The following SLC2A13 variants were observed in gnomAD, a reference collection of about 807,000 sequenced individuals.
SLC2A13 encodes solute carrier family 2 member 13.
In SLC2A13, 32 loss-of-function variants were observed where a neutral mutation model predicts 64.4. The observed-to-expected ratio is 0.50, with a 90% CI of 0.37 to 0.67. The LOEUF (loss-of-function observed/expected upper bound fraction) is 0.67. Among genes scored for constraint, SLC2A13 ranks in the 30% least tolerant of loss-of-function variants. The pLI is 0.00. For synonymous variants in SLC2A13, 338 were observed against 327.1 expected, an observed-to-expected ratio of 1.03 and a Z score of -0.36; for missense variants, 743 against 829.2, an observed-to-expected ratio of 0.90 and a Z score of 1.28.
chr12:39,850,991 C>A (rs986523295), intron 6 of SLC2A13, among the ~76,000 whole-genome samples: 1 of 151,948 alleles, frequency 6.6e-6, no homozygotes, highest in African/African-American at 2.4e-5. Context: ...CCTCTACCTC[C>A]TGGGTTCAAG....
rs201021710 is a variant in SLC2A13, at chr12:39,994,228, C to CA, written c.925+34072dup. ...TGAAACCCCATCTCTACTAAAAACA[C>CA]AAAAAATTAGCCAGGCGTGGTGGCA... On this transcript the variant is annotated intron_variant, in intron 3 of 9. Coordinates refer to ENST00000280871, the MANE Select transcript of SLC2A13 (RefSeq NM_052885.4). 7.5e-3 allele frequency among the ~76,000 whole-genome samples: 1,145 copies of CA among 151,736 alleles called. 14 individuals are homozygous for CA. The highest frequency in any genetic ancestry group is 0.026 in the African/African-American group (1,083 of 41,398).
chr12:40,097,775 T>A (rs1167834682), intron 1 of SLC2A13, among the ~76,000 whole-genome samples: 2 of 152,146 alleles, frequency 1.3e-5, no homozygotes, highest in Non-Finnish European at 2.9e-5. Flanking sequence ...ATACTGCTGG[T>A]AGCAATGTAA....
intron 2 of SLC2A13, among the ~76,000 whole-genome samples, chr12:40,036,394 A>C (rs1270436757): frequency 6.6e-6 from 1 of 152,230 alleles, no homozygotes; most frequent in Non-Finnish European, 1.5e-5. Flanking sequence ...GAAAATATGC[A>C]CACCCTTGTA....
In SLC2A13 at chr12:40,105,283, C is replaced by T; in HGVS notation, c.526G>A (p.Ala176Thr). 1 of 1,598,768 alleles carries T rather than the reference C, an allele frequency of 6.3e-7. No individual in the cohort carries two copies. Among genetic ancestry groups the T allele is most frequent in the Non-Finnish European group, 8.5e-7 (1 of 1,174,792 alleles). The change falls in exon 1 of 10, where the codon GCC becomes ACC. Residue 176 changes from alanine (A) to threonine (T), a missense_variant. By Grantham distance (58) the Ala-to-Thr change is moderately conservative. Around this residue, in one of 2 missense-constraint regions of SLC2A13, gnomAD observed 448 missense variants for 447.4 expected, o/e 1.00. Coordinates refer to ENST00000280871, the MANE Select transcript of SLC2A13 (RefSeq NM_052885.4). The surrounding 1 kb of genome is among the most constrained non-coding windows in gnomAD (Gnocchi z 4.2). ...AAANNKETLL[A>T]GRLVVGLGIG... ...CCGAGTCCCACGACCAGGCGGCCGGCGAGCAGTGTCTCCTTGTTGTTGGCC... is the reference window on the plus strand; with the variant it reads ...CCGAGTCCCACGACCAGGCGGCCGGTGAGCAGTGTCTCCTTGTTGTTGGCC...
At chr12:39,917,720 T>C (rs1945544451) in intron 4 of SLC2A13, among the ~76,000 whole-genome samples, 3 of 152,072 alleles carry the variant, frequency 2.0e-5, no homozygotes, top group Admixed American at 6.5e-5. Context: ...TGCTGACTCC[T>C]GGGTTTCCTG....
chr12:39,854,174 C>T (rs1270047638), intron 6 of SLC2A13, among the ~76,000 whole-genome samples: 1 of 151,690 alleles, frequency 6.6e-6, no homozygotes, highest in Non-Finnish European at 1.5e-5. Context: ...CTGCAACATA[C>T]CAGTTACATC....
At chr12:40,059,335 T>C (rs1041692811) in intron 1 of SLC2A13, among the ~76,000 whole-genome samples, 1 of 152,180 alleles carries the variant, frequency 6.6e-6, no homozygotes, top group African/African-American at 2.4e-5. Context: ...GAAAACTGGA[T>C]GACAGATAGA....
chr12:40,105,853 C>T lies in SLC2A13; in HGVS notation c.-45G>A, dbSNP rs1939293318. On this transcript the variant is annotated 5_prime_UTR_variant, in exon 1 of 10. Coordinates refer to ENST00000280871, the MANE Select transcript of SLC2A13 (RefSeq NM_052885.4). The surrounding 1 kb of genome is among the most constrained non-coding windows in gnomAD (Gnocchi z 4.2). ...GCCCGGGGGGACGCGGCTCCGCGGG[C>T]CGGCAGTCTCGGCGAGCTAGACAGC... The T allele has an allele frequency of 1.5e-6, 2 of 1,347,840 alleles. No individual in the cohort carries two copies. Among genetic ancestry groups the T allele is most frequent in the African/African-American group, 1.5e-5 (1 of 65,372 alleles). The allele number at this position is 1,347,840 out of a possible 1,614,324, so 83.5% of individuals were successfully genotyped here.
At chr12:39,996,153 C>G (rs1375783824) in intron 3 of SLC2A13, among the ~76,000 whole-genome samples, 1 of 152,148 alleles carries the variant, frequency 6.6e-6, no homozygotes, top group Non-Finnish European at 1.5e-5. Context: ...AGATGAAGAA[C>G]TTATTGCGGA....
chr12:40,026,977 G>C (rs2136214600), intron 3 of SLC2A13, among the ~76,000 whole-genome samples: 1 of 152,214 alleles, frequency 6.6e-6, no homozygotes, highest in South Asian at 2.1e-4. Flanking sequence ...CTACTCGGGA[G>C]GCCGAGGCAG....
intron 6 of SLC2A13, among the ~76,000 whole-genome samples, chr12:39,833,123 G>A (rs1178492034): frequency 6.6e-6 from 1 of 151,948 alleles, no homozygotes; most frequent in Non-Finnish European, 1.5e-5. Flanking sequence ...GAAAAATCTG[G>A]CGTACCACTT....
At chr12:39,856,437 C>T (rs1566870431) in intron 6 of SLC2A13, among the ~76,000 whole-genome samples, 4 of 152,276 alleles carry the variant, frequency 2.6e-5, no homozygotes, top group Middle Eastern at 3.4e-3. Context: ...GGCGTGATCT[C>T]GGCTCACTGT....
At chr12:39,871,727 A>G (rs2135940273) in intron 5 of SLC2A13, 71 bp downstream of exon 5, 1 of 1,446,694 alleles carries the variant, frequency 6.9e-7, no homozygotes. Flanking sequence ...TAAGTATTGT[A>G]TTTTTGAAGG....
At chr12:39,946,700 A>C (rs1592308180) in intron 4 of SLC2A13, among the ~76,000 whole-genome samples, 1 of 151,878 alleles carries the variant, frequency 6.6e-6, no homozygotes, top group African/African-American at 2.4e-5. Flanking sequence ...AGCCGGTCTC[A>C]CTCCCACCAT....
chr12:39,868,443 T>A (rs1446918018), intron 5 of SLC2A13, among the ~76,000 whole-genome samples: 2 of 152,234 alleles, frequency 1.3e-5, no homozygotes, highest in African/African-American at 4.8e-5. Flanking sequence ...AGAGCAGTAG[T>A]TCTCACACTT....
chr12:39,905,776 T>C (rs932420377), intron 4 of SLC2A13, among the ~76,000 whole-genome samples: 8 of 147,604 alleles, frequency 5.4e-5, no homozygotes, highest in Non-Finnish European at 1.2e-4. Flanking sequence ...CTGCCACAAA[T>C]TGAAACAGGC....
intron 1 of SLC2A13, among the ~76,000 whole-genome samples, chr12:40,048,647 A>G (rs1049312407): frequency 1.3e-5 from 2 of 152,190 alleles, no homozygotes; most frequent in African/African-American, 4.8e-5. Flanking sequence ...ACATAGTTAG[A>G]TGCCAGTAGA....
chr12:39,869,002 A>C (rs1245738574), intron 5 of SLC2A13, among the ~76,000 whole-genome samples: 1 of 152,206 alleles, frequency 6.6e-6, no homozygotes, highest in African/African-American at 2.4e-5. Context: ...AATAAATCAT[A>C]GTAAGAACAC....
intron 4 of SLC2A13, among the ~76,000 whole-genome samples, chr12:39,878,326 C>G (rs998612220): frequency 5.3e-5 from 8 of 152,112 alleles, no homozygotes; most frequent in Non-Finnish European, 8.8e-5. Flanking sequence ...GCTCAGAAGA[C>G]AGGAAGATCA....
Sources: allele counts gnomAD v4.1 joint callset (sites outside exome capture counted in the v4.1 genomes callset), GRCh38; gene constraint gnomAD v4.1.1; regional missense constraint gnomAD v4.1.1; non-coding constraint Gnocchi (gnomAD v3.1); transcripts MANE v1.5; gene names NCBI Gene and HGNC (gene_info 2026-07-23, HGNC 2026-07-21).